Variants in ST6GAL1 observed in about 807,000 individuals in gnomAD.
The protein encoded by ST6GAL1 is ST6 beta-galactoside alpha-2,6-sialyltransferase 1, also known as beta-galactoside alpha-2,6-sialyltransferase 1.
In ST6GAL1, 20 loss-of-function variants were observed where a neutral mutation model predicts 38.0. That is an observed-to-expected ratio of 0.53 (90% confidence interval 0.37 to 0.77). The LOEUF (loss-of-function observed/expected upper bound fraction) is 0.77, where lower values mean the gene tolerates loss of function less well. ST6GAL1 is among the 30% of genes least tolerant of loss of function. The pLI is 0.00. For missense variants in ST6GAL1, 432 were observed against 496.4 expected, an observed-to-expected ratio of 0.87 and a Z score of 1.23; for synonymous variants, 196 against 188.2, an observed-to-expected ratio of 1.04 and a Z score of -0.34.
chr3:186,953,768 A>G (rs1714657051), intron 1 of ST6GAL1, among the ~76,000 whole-genome samples: 1 of 152,166 alleles, frequency 6.6e-6, no homozygotes, highest in South Asian at 2.1e-4. Context: ...ATTAGTTGGA[A>G]TAACCCAAAA....
At chr3:186,985,218 C>G (rs374367933) in intron 2 of ST6GAL1, among the ~76,000 whole-genome samples, 1 of 152,014 alleles carries the variant, frequency 6.6e-6, no homozygotes, top group Admixed American at 6.6e-5. Context: ...CCTATCCCCC[C>G]TTTCTTGTAC....
Position 186,952,944 on chromosome 3 carries a change from AT to A in ST6GAL1, c.-324-10839del, listed in dbSNP as rs560707011. The stretch of plus-strand genomic sequence containing the variant: ...CTTTTAGGGCTTAAACTCTGGAGTC[AT>A]TCTAAATTCTCTTTCTCTCATGCTG... On this transcript the variant is annotated intron_variant, in intron 1 of 7. Transcript: ENST00000169298. The surrounding 1 kb of genome is among the most constrained non-coding windows in gnomAD (Gnocchi z 4.1). Among the ~76,000 whole-genome samples, 26 of 152,330 alleles carry A rather than the reference AT, an allele frequency of 1.7e-4. No individual in the cohort carries two copies. The South Asian group carries it at 5.0e-3, about 29-fold the overall frequency.
chr3:187,066,043 G>C (rs1719105743), intron 5 of ST6GAL1, among the ~76,000 whole-genome samples: 1 of 148,102 alleles, frequency 6.8e-6, no homozygotes, highest in Admixed American at 6.7e-5. Flanking sequence ...TTCTTCTCAA[G>C]ATACTGAAAG....
At chr3:187,039,712 G>C (rs1718064814) in intron 3 of ST6GAL1, among the ~76,000 whole-genome samples, 1 of 152,238 alleles carries the variant, frequency 6.6e-6, no homozygotes, top group Non-Finnish European at 1.5e-5. Flanking sequence ...GCCATTTAGA[G>C]AAAGTTTCTT....
In ST6GAL1 at chr3:186,987,058, A is replaced by G. The variant is rs181644094; in HGVS notation, c.-183+23132A>G. On this transcript the variant is annotated intron_variant, in intron 2 of 7. Coordinates refer to ENST00000169298, the MANE Select transcript of ST6GAL1 (RefSeq NM_173216.2). ...GTAATGTTCACAGATGTCCTGGGGGAAAACAGAACAATCAACTTCTATTTT... is the reference window on the plus strand; with the variant it reads ...GTAATGTTCACAGATGTCCTGGGGGGAAACAGAACAATCAACTTCTATTTT... 9.7e-4 allele frequency among the ~76,000 whole-genome samples: 148 copies of G among 152,094 alleles called. No homozygotes were observed. The Middle Eastern group carries it at 0.01, about 11-fold the overall frequency.
At chr3:186,960,485 G>A (rs1714896516) in intron 1 of ST6GAL1, among the ~76,000 whole-genome samples, 1 of 152,168 alleles carries the variant, frequency 6.6e-6, no homozygotes, top group Admixed American at 6.5e-5. Context: ...TGGGATAGGA[G>A]GGAGGTCAGA....
chr3:187,066,354 C>A (rs577573140), intron 5 of ST6GAL1, among the ~76,000 whole-genome samples: 2 of 152,026 alleles, frequency 1.3e-5, no homozygotes, highest in African/African-American at 2.4e-5. Flanking sequence ...GAGAGCTCTG[C>A]GGGTCTCTTC....
chr3:186,980,887 G>A (rs59691980), intron 2 of ST6GAL1, among the ~76,000 whole-genome samples: 3,115 of 152,196 alleles, frequency 0.02, 104 homozygotes, highest in African/African-American at 0.067. Context: ...ATAGGTCCCT[G>A]TCACTAGTGG....
At chr3:186,957,160 G>T (rs1022398175) in intron 1 of ST6GAL1, among the ~76,000 whole-genome samples, 4 of 152,130 alleles carry the variant, frequency 2.6e-5, no homozygotes, top group African/African-American at 9.7e-5. Flanking sequence ...GAAAGAAAAT[G>T]TGCTGGGCGC....
chr3:187,020,465 A>G (rs560068226), intron 2 of ST6GAL1, among the ~76,000 whole-genome samples: 1 of 152,356 alleles, frequency 6.6e-6, no homozygotes, highest in African/African-American at 2.4e-5. Context: ...GGTAACATCT[A>G]TAAGACCTGC....
chr3:186,993,153 T>G (rs1267679508), intron 2 of ST6GAL1, among the ~76,000 whole-genome samples: 3 of 152,222 alleles, frequency 2.0e-5, no homozygotes, highest in Admixed American at 2.0e-4. Context: ...TTGCAGGTAC[T>G]CGATAAACAC....
intron 4 of ST6GAL1, among the ~76,000 whole-genome samples, chr3:187,044,261 A>G (rs893313127): frequency 5.9e-5 from 9 of 152,360 alleles, no homozygotes; most frequent in Admixed American, 1.3e-4. Context: ...TTTGAAATGA[A>G]TCAGCTAAAG....
chr3:187,004,847 G>T (rs150586602), intron 2 of ST6GAL1, among the ~76,000 whole-genome samples: 21 of 152,322 alleles, frequency 1.4e-4, no homozygotes, highest in Middle Eastern at 3.4e-3. Context: ...TAAAAGAGAA[G>T]AAATCATCTT....
At chr3:186,980,766 CAA>C (rs58623543) in intron 2 of ST6GAL1, among the ~76,000 whole-genome samples, 9,853 of 121,360 alleles carry the variant, frequency 0.081, 361 homozygotes, top group East Asian at 0.2. Flanking sequence ...GACTCCATCT[CAA>C]AAAAAAAAAA....
chr3:186,937,489 C>T (rs1005175061), intron 1 of ST6GAL1, among the ~76,000 whole-genome samples: 1 of 152,214 alleles, frequency 6.6e-6, no homozygotes, highest in African/African-American at 2.4e-5. Flanking sequence ...CCCCAGTCTT[C>T]AACGTCTGCA....
chr3:186,937,171 C>T (rs566221887), intron 1 of ST6GAL1, among the ~76,000 whole-genome samples: 1 of 152,050 alleles, frequency 6.6e-6, no homozygotes, highest in Admixed American at 6.5e-5. Flanking sequence ...CTTAACCTTC[C>T]CATATATACA....
intron 6 of ST6GAL1, chr3:187,073,948 C>T (rs958894251): frequency 1.2e-5 from 5 of 405,644 alleles, no homozygotes; most frequent in African/African-American, 8.3e-5. Context: ...TCCCCCAAAG[C>T]ACAGGCTATA....
chr3:187,043,137 G>T lies in ST6GAL1; in HGVS notation c.434G>T (p.Arg145Leu). Residue 145 changes from arginine (R) to leucine (L), a missense_variant, in exon 4 of 8, where the codon CGG becomes CTG. Physicochemically the swap from Arg to Leu is moderately radical, Grantham distance 102 (BLOSUM62 -2). Coordinates refer to ENST00000169298, the MANE Select transcript of ST6GAL1 (RefSeq NM_173216.2). ...GCAGAGGCCCTGCGCTGCCACCTCCGGGACCATGTGAATGTATCCATGGTA... is the reference window on the plus strand; with the variant it reads ...GCAGAGGCCCTGCGCTGCCACCTCCTGGACCATGTGAATGTATCCATGGTA... ...FSAEALRCHL[R>L]DHVNVSMVEV... 6.2e-7 allele frequency: 1 copy of T among 1,614,182 alleles called. No individual in the cohort carries two copies. The highest frequency in any genetic ancestry group is 1.1e-5 in the South Asian group (1 of 91,072).
chr3:187,065,340 T>G (rs2108597662), intron 5 of ST6GAL1, among the ~76,000 whole-genome samples: 1 of 152,204 alleles, frequency 6.6e-6, no homozygotes, highest in South Asian at 2.1e-4. Context: ...CCACATTTGT[T>G]CAGCTCCCCT....
Sources: allele counts gnomAD v4.1 joint callset (sites outside exome capture counted in the v4.1 genomes callset), GRCh38; gene constraint gnomAD v4.1.1; non-coding constraint Gnocchi (gnomAD v3.1); transcripts MANE v1.5; gene names NCBI Gene and HGNC (gene_info 2026-07-23, HGNC 2026-07-21).